Variants in SERGEF observed in about 807,000 individuals in gnomAD.
SERGEF encodes secretion-regulating guanine nucleotide exchange factor.
SERGEF carries 51 observed loss-of-function variants against 50.0 expected under a neutral mutation model. That is an observed-to-expected ratio of 1.02 (90% CI 0.81 to 1.29). The LOEUF (loss-of-function observed/expected upper bound fraction) is 1.29, where lower values mean the gene tolerates loss of function less well. SERGEF is among the 50% of genes most tolerant of loss of function. The probability of loss-of-function intolerance (pLI) is 0.00; values close to 1 mark genes in which losing one functional copy is unlikely to be tolerated. For synonymous variants in SERGEF, 205 were observed against 212.4 expected, an observed-to-expected ratio of 0.97 and a Z score of 0.30; for missense variants, 521 against 557.0, an observed-to-expected ratio of 0.94 and a Z score of 0.65.
chr11:17,945,277 A>G (rs1317212016), intron 9 of SERGEF, among the ~76,000 whole-genome samples: 1 of 152,270 alleles, frequency 6.6e-6, no homozygotes, highest in African/African-American at 2.4e-5. Context: ...ATATAATAAT[A>G]CATCAGGTAT....
At chr11:17,890,072 C>G (rs1478493218) in intron 9 of SERGEF, among the ~76,000 whole-genome samples, 1 of 149,484 alleles carries the variant, frequency 6.7e-6, no homozygotes, top group Non-Finnish European at 1.5e-5. Flanking sequence ...CCTTCTTAAG[C>G]CTAAGTGAGG....
chr11:17,949,401 G>A (rs1461070494), intron 9 of SERGEF, among the ~76,000 whole-genome samples: 1 of 151,964 alleles, frequency 6.6e-6, no homozygotes, highest in African/African-American at 2.4e-5. Flanking sequence ...AAGCTTCCAA[G>A]CAAGAAGCTC....
intron 5 of SERGEF, chr11:17,999,465 G>T: frequency 2.6e-6 from 1 of 392,054 alleles, no homozygotes. Flanking sequence ...AGGACTATCA[G>T]CACAGTCCTG....
chr11:17,878,114 T>A, intron 10 of SERGEF, 94 bp downstream of exon 10: 1 of 873,462 alleles, frequency 1.1e-6, no homozygotes, highest in Admixed American at 2.3e-5. Context: ...CATGCATGAG[T>A]GCACGCACCA....
In SERGEF at chr11:17,878,207, C is replaced by A; in HGVS notation, c.1048+1G>T. ...CAGTTATCAGTATAAAAATTACTTA[C>A]CAATTATTGCCAAATTATGCTCTGA... On this transcript the variant is annotated splice_donor_variant, in intron 10 of 10. Coordinates refer to ENST00000265965, the MANE Select transcript of SERGEF (RefSeq NM_012139.4). LOFTEE classifies it high-confidence loss of function. 6.3e-7 allele frequency: 1 copy of A among 1,576,438 alleles called. No individual in the cohort carries two copies. Among genetic ancestry groups the A allele is most frequent in the Admixed American group, 1.7e-5 (1 of 57,886 alleles).
chr11:17,889,907 C>T (rs941983154), intron 9 of SERGEF, among the ~76,000 whole-genome samples: 16 of 151,094 alleles, frequency 1.1e-4, no homozygotes, highest in South Asian at 2.1e-4. Flanking sequence ...TAGGTATATC[C>T]AGGAAGCTTA....
At chr11:17,850,042 A>G (rs753005650) in intron 10 of SERGEF, among the ~76,000 whole-genome samples, 10 of 152,004 alleles carry the variant, frequency 6.6e-5, no homozygotes, top group Non-Finnish European at 1.2e-4. Context: ...GTCCAAGAGC[A>G]TGGTGCTGGT....
chr11:18,004,505 T>C lies in SERGEF; in HGVS notation c.383A>G (p.Asn128Ser). 1 of 1,613,336 alleles carries C rather than the reference T, an allele frequency of 6.2e-7. No individual in the cohort carries two copies. The change falls in exon 4 of 11, where the codon AAC becomes AGC. Residue 128 changes from asparagine to serine, a missense_variant. Physicochemically the swap from Asn to Ser is conservative, Grantham distance 46. Transcript: ENST00000265965. ...ENGQVLSCGS[N>S]SFGQLGVPHG... ...AGGAACTCCTAACTGGCCAAAGGAG[T>C]TGGATCCACATGATAGAACTTGACC...
At chr11:17,842,345 G>C (rs1489624760) in intron 10 of SERGEF, among the ~76,000 whole-genome samples, 4 of 152,048 alleles carry the variant, frequency 2.6e-5, no homozygotes, top group Admixed American at 6.6e-5. Context: ...TGATATTTTT[G>C]CCACCTCTCC....
intron 10 of SERGEF, among the ~76,000 whole-genome samples, chr11:17,814,045 G>A (rs1849920983): frequency 6.6e-6 from 1 of 152,162 alleles, no homozygotes; most frequent in Non-Finnish European, 1.5e-5. Context: ...TCAAACCTCA[G>A]CAATGACTTT....
In SERGEF at chr11:17,871,876, G is replaced by A. The variant is rs482485; in HGVS notation, c.1048+6332C>T. On this transcript the variant is annotated intron_variant, in intron 10 of 10. Transcript: ENST00000265965. ...GTGCAACTACTTTAAACACTGTTGC[G>A]CAGTATTTACTAATACTAAATATGA... Among the ~76,000 whole-genome samples, 1,390 of 152,130 alleles carry A rather than the reference G, an allele frequency of 9.1e-3. 18 individuals are homozygous for A. The highest frequency in any genetic ancestry group is 0.031 in the African/African-American group (1,293 of 41,502).
At chr11:17,908,113 C>T (rs1003890767) in intron 9 of SERGEF, among the ~76,000 whole-genome samples, 4 of 152,250 alleles carry the variant, frequency 2.6e-5, no homozygotes, top group Middle Eastern at 6.8e-3. Context: ...CATCTTTCAC[C>T]CTGCCATCAC....
intron 9 of SERGEF, among the ~76,000 whole-genome samples, chr11:17,905,947 C>T (rs1851832957): frequency 6.6e-6 from 1 of 152,220 alleles, no homozygotes; most frequent in Non-Finnish European, 1.5e-5. Context: ...CCAGCCTTAA[C>T]AAGGCAGTCC....
chr11:17,843,768 C>T (rs771587642), intron 10 of SERGEF, among the ~76,000 whole-genome samples: 5 of 152,098 alleles, frequency 3.3e-5, no homozygotes, highest in Non-Finnish European at 5.9e-5. Flanking sequence ...TAAGATACAG[C>T]CCCTCCTCCT....
At chr11:17,994,568 T>G (rs1853795283) in intron 6 of SERGEF, among the ~76,000 whole-genome samples, 1 of 150,284 alleles carries the variant, frequency 6.7e-6, no homozygotes, top group Non-Finnish European at 1.5e-5. Flanking sequence ...AGTTTTCCCA[T>G]AAGCACAGAG....
Position 17,896,845 on chromosome 11 carries a change from G to C in SERGEF, c.1012-18601C>G, listed in dbSNP as rs1298516511. Among the ~76,000 whole-genome samples the C allele has an allele frequency of 2.4e-4, 18 of 74,492 alleles. 2 individuals are homozygous for C. The highest frequency in any genetic ancestry group is 4.3e-4 in the Admixed American group (3 of 6,974). The allele number at this position is 74,492 out of a possible 152,430, so 48.9% of individuals were successfully genotyped here. A position where few individuals can be genotyped will look rare whatever the true frequency, so the allele number is the denominator to read the frequency against. ...GAAGGGTAACGGAAGGGTAAGGGAA[G>C]GGAAGGGTAAGGGAAGGGAAGGGAA... On this transcript the variant is annotated intron_variant, in intron 9 of 10. Coordinates refer to ENST00000265965, the MANE Select transcript of SERGEF (RefSeq NM_012139.4).
At chr11:17,961,999 C>T (rs748482795) in intron 8 of SERGEF, among the ~76,000 whole-genome samples, 2 of 152,162 alleles carry the variant, frequency 1.3e-5, no homozygotes, top group Non-Finnish European at 2.9e-5. Context: ...GCTTATTTTA[C>T]AGATGAGGTT....
chr11:17,923,755 C>T (rs1286327678), intron 9 of SERGEF, among the ~76,000 whole-genome samples: 1 of 152,104 alleles, frequency 6.6e-6, no homozygotes, highest in East Asian at 1.9e-4. Context: ...CAGCTCCAGC[C>T]CTCCCCCAGG....
rs1468093660 is a variant in SERGEF, at chr11:17,991,479, T to C, written c.685+1452A>G. Among the ~76,000 whole-genome samples the C allele has an allele frequency of 6.6e-6, 1 of 152,188 alleles. No individual in the cohort carries two copies. The highest frequency in any genetic ancestry group is 1.9e-4 in the East Asian group (1 of 5,202). On this transcript the variant is annotated intron_variant, in intron 7 of 10. Transcript: ENST00000265965. The surrounding 1 kb of genome is among the most constrained non-coding windows in gnomAD (Gnocchi z 4.9). ...AAAAGAATGCCTTCTCCATCCCTCATTGACTGTGGGGCACGAACACATCAC... is the reference window on the plus strand; with the variant it reads ...AAAAGAATGCCTTCTCCATCCCTCACTGACTGTGGGGCACGAACACATCAC...
Sources: gnomAD v4.1 joint callset for allele counts (sites outside exome capture counted in the v4.1 genomes callset) on GRCh38, gnomAD v4.1.1 for gene constraint, Gnocchi (gnomAD v3.1) non-coding constraint, MANE v1.5 for transcripts, NCBI Gene and HGNC (gene_info 2026-07-23, HGNC 2026-07-21) for gene names.